IMMP2L: variants seen among roughly 807,000 people sequenced by gnomAD.
IMMP2L encodes the protein mitochondrial inner membrane protease subunit 2.
A neutral mutation model predicts 19.3 loss-of-function variants in IMMP2L; 18 were observed. That is an observed-to-expected ratio of 0.93 (90% CI 0.64 to 1.38). The LOEUF is 1.38. Ranked by LOEUF, IMMP2L falls within the 40% of genes most tolerant of loss-of-function variation. IMMP2L has a pLI of 0.00. For missense variants in IMMP2L, 233 were observed against 218.2 expected (o/e 1.07, Z -0.43); for synonymous variants, 76 against 73.0 (o/e 1.04, Z -0.21).
rs113552607 is a variant in IMMP2L, at chr7:111,023,126, C to T, written c.240-59561G>A. 6.5e-4 allele frequency among the ~76,000 whole-genome samples: 99 copies of T among 152,214 alleles called. 1 individual carries two copies. Among genetic ancestry groups the T allele is most frequent in the African/African-American group, 2.2e-3 (91 of 41,534 alleles). On this transcript the variant is annotated intron_variant, in intron 3 of 5. Coordinates refer to ENST00000405709, the MANE Select transcript of IMMP2L (RefSeq NM_032549.4). ...GCTGTGGACATGAGGATGTGATGTG[C>T]GAAGCAGGGCCTAATGAGATTTCGC...
chr7:111,544,010 C>G (rs540420147), intron 1 of IMMP2L, among the ~76,000 whole-genome samples: 1 of 151,990 alleles, frequency 6.6e-6, no homozygotes, highest in Non-Finnish European at 1.5e-5. Flanking sequence ...GGAAATAAAG[C>G]GACCAACATA....
At chr7:110,713,706 A>C (rs1286452202) in intron 5 of IMMP2L, among the ~76,000 whole-genome samples, 1 of 151,266 alleles carries the variant, frequency 6.6e-6, no homozygotes, top group Admixed American at 6.6e-5. Flanking sequence ...TGGCTATTGT[A>C]AATGGGATTG....
chr7:110,888,458 T>C (rs2129545740), intron 4 of IMMP2L, among the ~76,000 whole-genome samples: 1 of 152,234 alleles, frequency 6.6e-6, no homozygotes, highest in Middle Eastern at 3.4e-3. Context: ...AAGAAAACAA[T>C]TACCAATTTT....
At chr7:111,068,818 T>A (rs1043780281) in intron 3 of IMMP2L, among the ~76,000 whole-genome samples, 3 of 152,156 alleles carry the variant, frequency 2.0e-5, no homozygotes, top group Admixed American at 1.3e-4. Context: ...AACCATGAGA[T>A]CATTCTAATA....
At chr7:111,212,230 AC>A (rs1025918785) in intron 3 of IMMP2L, among the ~76,000 whole-genome samples, 1 of 152,044 alleles carries the variant, frequency 6.6e-6, no homozygotes, top group African/African-American at 2.4e-5. Context: ...GAGTCAGGGA[AC>A]CCTAATCTGG....
chr7:110,842,935 T>C (rs1805243718), intron 5 of IMMP2L, among the ~76,000 whole-genome samples: 1 of 152,090 alleles, frequency 6.6e-6, no homozygotes, highest in South Asian at 2.1e-4. Flanking sequence ...CGAATGGAAA[T>C]TGGGCAATTT....
intron 5 of IMMP2L, among the ~76,000 whole-genome samples, chr7:110,694,507 G>A (rs1380046197): frequency 6.6e-6 from 1 of 152,182 alleles, no homozygotes; most frequent in Non-Finnish European, 1.5e-5. Flanking sequence ...TTGCCTTTGA[G>A]ACACAGTCTA....
At chr7:111,259,654 C>CAATAAT (rs3052105) in intron 3 of IMMP2L, among the ~76,000 whole-genome samples, 7 of 150,310 alleles carry the variant, frequency 4.7e-5, no homozygotes, top group Non-Finnish European at 1.0e-4. Context: ...AATTTTAAAA[C>CAATAAT]AATAATAATA....
intron 5 of IMMP2L, among the ~76,000 whole-genome samples, chr7:110,764,870 C>G (rs987542522): frequency 6.6e-6 from 1 of 152,078 alleles, no homozygotes; most frequent in African/African-American, 2.4e-5. Context: ...TTCTAATCTT[C>G]TAGCCAACCA....
At chr7:111,519,382 T>A (rs1300156449) in intron 2 of IMMP2L, among the ~76,000 whole-genome samples, 1 of 152,164 alleles carries the variant, frequency 6.6e-6, no homozygotes, top group Admixed American at 6.5e-5. Flanking sequence ...TATACCAAGC[T>A]ATTTTCCTAT....
At chr7:110,767,515 A>T (rs1469144701) in intron 5 of IMMP2L, among the ~76,000 whole-genome samples, 2 of 152,120 alleles carry the variant, frequency 1.3e-5, no homozygotes, top group Non-Finnish European at 2.9e-5. Context: ...TTTGCTGATG[A>T]CTTGCAAATC....
intron 3 of IMMP2L, among the ~76,000 whole-genome samples, chr7:111,341,678 A>C (rs1333932666): frequency 6.6e-6 from 1 of 152,176 alleles, no homozygotes; most frequent in Admixed American, 6.6e-5. Context: ...AGCTAGAACC[A>C]AAAAGGCAGA....
In IMMP2L at chr7:111,561,478, G is replaced by C. The variant is rs115275134; in HGVS notation, c.-3+373C>G. Among the ~76,000 whole-genome samples the C allele has an allele frequency of 4.3e-3, 657 of 152,236 alleles. 9 individuals carry two copies. The highest frequency in any genetic ancestry group is 0.015 in the African/African-American group (635 of 41,540). ...ACTGTTCATTATCAAACAGGACCTGGATTCTTTAGTGCTATGGTCTCAGGG... is the reference window on the plus strand; with the variant it reads ...ACTGTTCATTATCAAACAGGACCTGCATTCTTTAGTGCTATGGTCTCAGGG... On this transcript the variant is annotated intron_variant, in intron 1 of 5. Transcript: ENST00000405709.
intron 3 of IMMP2L, among the ~76,000 whole-genome samples, chr7:111,441,932 A>G (rs1417136475): frequency 6.6e-6 from 1 of 151,648 alleles, no homozygotes; most frequent in Non-Finnish European, 1.5e-5. Flanking sequence ...AGGTCAGTAG[A>G]TCGAGACCAC....
intron 3 of IMMP2L, among the ~76,000 whole-genome samples, chr7:111,316,289 T>C (rs1486901290): frequency 6.6e-6 from 1 of 151,962 alleles, no homozygotes; most frequent in Non-Finnish European, 1.5e-5. Flanking sequence ...GTTAGATGTA[T>C]TCAAAGCACA....
At chr7:111,252,753 T>A (rs1337187114) in intron 3 of IMMP2L, among the ~76,000 whole-genome samples, 1 of 152,134 alleles carries the variant, frequency 6.6e-6, no homozygotes, top group Non-Finnish European at 1.5e-5. Flanking sequence ...TGCAAACATA[T>A]CTTTTGATAT....
At chr7:111,241,351 T>TAA (rs1815007808) in intron 3 of IMMP2L, among the ~76,000 whole-genome samples, 1 of 151,976 alleles carries the variant, frequency 6.6e-6, no homozygotes, top group African/African-American at 2.4e-5. Flanking sequence ...GTATTGAACA[T>TAA]AAAGTATGAT....
At chr7:110,894,275 A>G (rs1366239937) in intron 4 of IMMP2L, among the ~76,000 whole-genome samples, 1 of 152,126 alleles carries the variant, frequency 6.6e-6, no homozygotes, top group Non-Finnish European at 1.5e-5. Context: ...AGATCTCACT[A>G]TTGTTAATTA....
intron 3 of IMMP2L, among the ~76,000 whole-genome samples, chr7:111,417,457 T>G (rs983245402): frequency 4.0e-5 from 6 of 151,786 alleles, no homozygotes; most frequent in African/African-American, 1.5e-4. Flanking sequence ...TATGTGTAAT[T>G]AGTTTACCAT....
Sources: gnomAD v4.1 joint callset for allele counts (sites outside exome capture counted in the v4.1 genomes callset) on GRCh38, gnomAD v4.1.1 for gene constraint, MANE v1.5 for transcripts, NCBI Gene and HGNC (gene_info 2026-07-23, HGNC 2026-07-21) for gene names.